The following CCDC122 variants were observed in gnomAD, a reference collection of about 807,000 sequenced individuals.
CCDC122 encodes the protein coiled-coil domain-containing protein 122.
Under a neutral mutation model 37.0 loss-of-function variants are expected in CCDC122, and 38 were observed. That is an observed-to-expected ratio of 1.03 (90% CI 0.79 to 1.35). The LOEUF is 1.35. Among genes scored for constraint, CCDC122 ranks in the 40% most tolerant of loss-of-function variants. The probability of loss-of-function intolerance (pLI) is 0.00; values close to 1 mark genes in which losing one functional copy is unlikely to be tolerated. For synonymous variants in CCDC122, 83 were observed against 95.6 expected (o/e 0.87, Z 0.77); for missense variants, 305 against 310.0 (o/e 0.98, Z 0.12).
chr13:43,863,308 ATAAT>A (rs1244255866), intron 4 of CCDC122, among the ~76,000 whole-genome samples: 2 of 152,158 alleles, frequency 1.3e-5, no homozygotes, highest in African/African-American at 4.8e-5. Context: ...TTCAATAAGC[ATAAT>A]TATTTCAAGA....
chr13:43,835,369 G>A (rs148068819), downstream of CCDC122, among the ~76,000 whole-genome samples: 2,073 of 152,218 alleles, frequency 0.014, 14 homozygotes, highest in Middle Eastern at 0.024. Context: ...TAAATGATGA[G>A]TTAATGGGTG....
At chr13:43,864,753 T>C (rs1459037306) in intron 4 of CCDC122, among the ~76,000 whole-genome samples, 1 of 152,062 alleles carries the variant, frequency 6.6e-6, no homozygotes, top group Non-Finnish European at 1.5e-5. Flanking sequence ...CATAGGACCT[T>C]GGGATTTCCT....
chr13:43,838,295 A>G (rs1057143912), intron 6 of CCDC122, among the ~76,000 whole-genome samples: 5 of 152,108 alleles, frequency 3.3e-5, no homozygotes, highest in African/African-American at 4.8e-5. Context: ...CATTTCCTGT[A>G]TACAGTGATT....
chr13:43,846,215 C>G (rs1298024273), intron 6 of CCDC122, among the ~76,000 whole-genome samples: 1 of 152,098 alleles, frequency 6.6e-6, no homozygotes, highest in Non-Finnish European at 1.5e-5. Context: ...GCTGGGATTA[C>G]AGGTGCCCGC....
intron 4 of CCDC122, among the ~76,000 whole-genome samples, chr13:43,864,016 G>A (rs952627785): frequency 6.6e-6 from 1 of 152,100 alleles, no homozygotes; most frequent in South Asian, 2.1e-4. Context: ...GTTAATTTTT[G>A]TATATGGTTT....
intron 3 of CCDC122, among the ~76,000 whole-genome samples, chr13:43,827,086 A>G (rs1340406598): frequency 6.6e-6 from 1 of 152,222 alleles, no homozygotes; most frequent in East Asian, 1.9e-4. Context: ...AACACTTTAC[A>G]TAATTTTTCA....
chr13:43,838,556 C>G (rs1953238369), intron 6 of CCDC122, among the ~76,000 whole-genome samples: 2 of 152,134 alleles, frequency 1.3e-5, no homozygotes, highest in Admixed American at 6.5e-5. Context: ...ACTCAAGGGC[C>G]TTTAGTATAT....
Position 43,837,083 on chromosome 13 carries a change from G to A in CCDC122, c.*197C>T. 1.8e-6 allele frequency: 1 copy of A among 550,812 alleles called. No individual in the cohort carries two copies. Among genetic ancestry groups the A allele is most frequent in the Non-Finnish European group, 3.2e-6 (1 of 312,138 alleles). 34.1% of individuals were successfully genotyped at this position (550,812 alleles called of 1,614,324 possible). ...TAGACATTCCTATTGTCTGTCTACT[G>A]CTATCAAGTGTAGGGTTAGAAGGCA... On this transcript the variant is annotated 3_prime_UTR_variant, in exon 7 of 7. Coordinates refer to ENST00000444614, the MANE Select transcript of CCDC122 (RefSeq NM_144974.5).
At chr13:43,875,258 G>A (rs1408727146) in intron 1 of CCDC122, among the ~76,000 whole-genome samples, 1 of 152,152 alleles carries the variant, frequency 6.6e-6, no homozygotes, top group East Asian at 1.9e-4. Flanking sequence ...GAGGCAAGGG[G>A]CAAGGTCTTT....
At chr13:43,864,199 T>C (rs899881119) in intron 4 of CCDC122, among the ~76,000 whole-genome samples, 2 of 152,208 alleles carry the variant, frequency 1.3e-5, no homozygotes, top group African/African-American at 4.8e-5. Flanking sequence ...TGGATCTATA[T>C]GTCTAGCTAT....
intron 6 of CCDC122, among the ~76,000 whole-genome samples, chr13:43,850,920 C>T (rs1953705934): frequency 6.6e-6 from 1 of 152,104 alleles, no homozygotes; most frequent in Non-Finnish European, 1.5e-5. Flanking sequence ...TCCCCAATCT[C>T]GCTCACTCTG....
chr13:43,863,863 A>C (rs947548869), intron 4 of CCDC122, among the ~76,000 whole-genome samples: 1 of 152,180 alleles, frequency 6.6e-6, no homozygotes, highest in Admixed American at 6.5e-5. Context: ...AAGTTTAAAA[A>C]TTTTTTTGGA....
rs1444869829 is a variant in CCDC122 at position 43,859,988 on chromosome 13, T to A, written c.239A>T (p.Asp80Val). The A allele has an allele frequency of 5.0e-6, 8 of 1,590,944 alleles. No individual in the cohort carries two copies. The highest frequency in any genetic ancestry group is 6.8e-6 in the Non-Finnish European group (8 of 1,169,434). ...AAGTTTGGTATTCTCTATGGCAGAA[T>A]CTTGTTGATAAATTTGTCTTTCTGT... is the stretch of plus-strand genomic sequence containing the variant. ...KETERQIYQQDSAIENTKLHC... is the reference protein window; with the variant it reads ...KETERQIYQQVSAIENTKLHC... Residue 80 changes from aspartate to valine, a missense_variant, in exon 5 of 7, where the codon GAT (aspartate) becomes GTT (valine). By Grantham distance (152) the Asp-to-Val change is radical (BLOSUM62 -3). Transcript: ENST00000444614.
chr13:43,855,291 A>C (rs1953867804), intron 6 of CCDC122: 1 of 151,966 alleles, frequency 6.6e-6, no homozygotes, highest in African/African-American at 2.4e-5. Context: ...TAGGATACAA[A>C]ATCAATATGC....
intron 2 of CCDC122, among the ~76,000 whole-genome samples, chr13:43,874,519 G>A (rs570722149): frequency 2.2e-4 from 34 of 152,222 alleles, no homozygotes; most frequent in African/African-American, 7.2e-4. Flanking sequence ...TAAAAATAAA[G>A]TAACTAGTAC....
chr13:43,852,276 T>C (rs1594833340), intron 6 of CCDC122, among the ~76,000 whole-genome samples: 1 of 151,984 alleles, frequency 6.6e-6, no homozygotes, highest in African/African-American at 2.4e-5. Context: ...ATAGCCAGTA[T>C]AGAAAAGAAC....
chr13:43,830,417 C>T (rs1422129131), intron 3 of CCDC122, among the ~76,000 whole-genome samples: 1 of 152,010 alleles, frequency 6.6e-6, no homozygotes, highest in Non-Finnish European at 1.5e-5. Context: ...GATTCTTGAG[C>T]GAGTGATTTA....
At chr13:43,833,186 A>G (rs1332485672), downstream of CCDC122, among the ~76,000 whole-genome samples, 2 of 152,216 alleles carry the variant, frequency 1.3e-5, no homozygotes, top group Non-Finnish European at 2.9e-5. Context: ...TAATTTGTCC[A>G]TAGGTTGCAC....
At chr13:43,879,032 G>A (rs2138212297) in intron 1 of CCDC122, among the ~76,000 whole-genome samples, 1 of 152,258 alleles carries the variant, frequency 6.6e-6, no homozygotes, top group East Asian at 1.9e-4. Context: ...CCTGGGCTGC[G>A]GTGAGGAAAC....
Sources: gnomAD v4.1 joint callset for allele counts (sites outside exome capture counted in the v4.1 genomes callset) on GRCh38, gnomAD v4.1.1 for gene constraint, MANE v1.5 for transcripts, NCBI Gene and HGNC (gene_info 2026-07-23, HGNC 2026-07-21) for gene names.